Variants in ZNF385D observed in about 807,000 individuals in gnomAD.
ZNF385D encodes the protein zinc finger protein 385D.
A neutral mutation model predicts 35.8 loss-of-function variants in ZNF385D; 15 were observed. The ratio of observed to expected loss-of-function variants is 0.42; its 90% CI spans 0.28 to 0.64. The LOEUF is 0.64. Among genes scored for constraint, ZNF385D ranks in the 30% least tolerant of loss-of-function variants. ZNF385D has a pLI of 0.23. For synonymous variants in ZNF385D, 212 were observed against 186.8 expected, an observed-to-expected ratio of 1.13 and a Z score of -1.10; for missense variants, 474 against 494.6, an observed-to-expected ratio of 0.96 and a Z score of 0.39.
chr3:21,921,770 T>G (rs182881215), intron 3 of ZNF385D, among the ~76,000 whole-genome samples: 1 of 149,206 alleles, frequency 6.7e-6, no homozygotes, highest in East Asian at 2.0e-4. Flanking sequence ...GGAAACACAA[T>G]CTCCCAAGAT....
intron 3 of ZNF385D, among the ~76,000 whole-genome samples, chr3:21,895,912 T>C (rs945906118): frequency 7.9e-5 from 12 of 152,004 alleles, no homozygotes; most frequent in Admixed American, 2.0e-4. Context: ...TACATTAAAA[T>C]CAAAAATTTT....
chr3:21,762,751 C>G (rs1049004281), intron 3 of ZNF385D, among the ~76,000 whole-genome samples: 3 of 152,274 alleles, frequency 2.0e-5, no homozygotes, highest in Middle Eastern at 3.4e-3. Flanking sequence ...CTGTGGAGAG[C>G]TGCCTTGTCA....
intron 1 of ZNF385D, among the ~76,000 whole-genome samples, chr3:21,737,501 T>C (rs1439393360): frequency 2.6e-5 from 4 of 151,078 alleles, no homozygotes; most frequent in East Asian, 2.0e-4. Context: ...ACACATAAGA[T>C]AGATAGATAC....
intron 3 of ZNF385D, among the ~76,000 whole-genome samples, chr3:21,834,533 G>A (rs776973954): frequency 6.6e-6 from 1 of 152,088 alleles, no homozygotes; most frequent in Non-Finnish European, 1.5e-5. Flanking sequence ...TAGAGACATG[G>A]TTATCATTGA....
intron 2 of ZNF385D, among the ~76,000 whole-genome samples, chr3:21,584,649 C>A (rs2063760178): frequency 6.6e-6 from 1 of 152,066 alleles, no homozygotes; most frequent in Non-Finnish European, 1.5e-5. Flanking sequence ...CATATATAAA[C>A]CATGTTTTTC....
chr3:21,866,793 T>C (rs1697389260), intron 3 of ZNF385D, among the ~76,000 whole-genome samples: 1 of 152,186 alleles, frequency 6.6e-6, no homozygotes, highest in African/African-American at 2.4e-5. Context: ...TTTATCAATA[T>C]ATTCTTTAAA....
chr3:21,990,945 G>A (rs12485290), intron 3 of ZNF385D, among the ~76,000 whole-genome samples: 4,324 of 152,222 alleles, frequency 0.028, 106 homozygotes, highest in East Asian at 0.12. Context: ...CAACAAATGC[G>A]TGATCTAATG....
In ZNF385D at chr3:22,349,423, T is replaced by C. The variant is rs1286750210; in HGVS notation, c.106+23027A>G. Among the ~76,000 whole-genome samples the C allele has an allele frequency of 3.9e-5, 6 of 152,232 alleles. No homozygotes were observed. In the East Asian group the frequency reaches 1.2e-3, roughly 29 times the overall value. On this transcript the variant is annotated intron_variant, in intron 2 of 5. Coordinates refer to the ZNF385D transcript ENST00000494108. ...TGGAGGTAGTTGTTTTGAGTTCTAG[T>C]GGCAATGCCATTCTCTGAGATAATA...
At chr3:21,599,207 G>T (rs1448405558) in intron 2 of ZNF385D, among the ~76,000 whole-genome samples, 1 of 152,122 alleles carries the variant, frequency 6.6e-6, no homozygotes, top group Non-Finnish European at 1.5e-5. Context: ...GATCAATTTG[G>T]CTGAACTATT....
intron 4 of ZNF385D, among the ~76,000 whole-genome samples, chr3:21,454,408 A>G (rs148769846): frequency 5.6e-4 from 85 of 152,242 alleles, no homozygotes; most frequent in African/African-American, 2.0e-3. Context: ...CAAAGTTCCT[A>G]TGTGATCTTG....
In ZNF385D at chr3:22,260,813, A is replaced by G. The variant is rs192419157; in HGVS notation, c.107-91778T>C. On this transcript the variant is annotated intron_variant, in intron 2 of 5. Transcript: ENST00000494108. ...TATGATATTCCTGTAACTATTTATC[A>G]AACTCAAAAATCATAGCCAGATTTT... Among the ~76,000 whole-genome samples the G allele has an allele frequency of 9.9e-5, 15 of 152,152 alleles. No individual in the cohort carries two copies. The East Asian group carries it at 2.9e-3, about 30-fold the overall frequency.
chr3:21,675,546 A>G (rs1305881062), intron 1 of ZNF385D, among the ~76,000 whole-genome samples: 1 of 152,084 alleles, frequency 6.6e-6, no homozygotes, highest in Non-Finnish European at 1.5e-5. Context: ...GTAAGTTCTT[A>G]TATCTACATT....
chr3:21,486,374 A>G (rs1014110922), intron 4 of ZNF385D, among the ~76,000 whole-genome samples: 6 of 151,924 alleles, frequency 3.9e-5, no homozygotes, highest in Non-Finnish European at 7.4e-5. Context: ...CACACATTTC[A>G]TTCAGAGACT....
At chr3:21,833,615 A>G (rs1695140944) in intron 3 of ZNF385D, among the ~76,000 whole-genome samples, 1 of 152,120 alleles carries the variant, frequency 6.6e-6, no homozygotes, top group South Asian at 2.1e-4. Flanking sequence ...GAGAAAGTAA[A>G]TTTCTGTTGT....
At chr3:21,664,833 T>G in intron 2 of ZNF385D, 53 bp downstream of exon 2, 1 of 1,611,436 alleles carries the variant, frequency 6.2e-7, no homozygotes, top group Non-Finnish European at 8.5e-7. Flanking sequence ...GGCCTTTAAG[T>G]TAGTTTTCCA....
At chr3:21,848,696 A>G (rs929025090) in intron 3 of ZNF385D, among the ~76,000 whole-genome samples, 1 of 152,178 alleles carries the variant, frequency 6.6e-6, no homozygotes, top group African/African-American at 2.4e-5. Flanking sequence ...AAAGAAATAG[A>G]ATGCCTGAAT....
At chr3:21,869,169 T>C (rs1684511) in intron 3 of ZNF385D, among the ~76,000 whole-genome samples, 69,222 of 151,828 alleles carry the variant, frequency 0.46, 16,134 homozygotes, top group African/African-American at 0.53. Flanking sequence ...ATTAAGCCAA[T>C]AGAAAGAGAT....
chr3:21,566,820 C>T (rs2063164525), intron 2 of ZNF385D, among the ~76,000 whole-genome samples: 1 of 152,088 alleles, frequency 6.6e-6, no homozygotes, highest in South Asian at 2.1e-4. Context: ...TGGACAAGTT[C>T]CCTCTTACCC....
intron 3 of ZNF385D, among the ~76,000 whole-genome samples, chr3:22,049,297 A>AAAAATAAAACAAAATAAAATAAAAT (rs1699201021): frequency 2.1e-5 from 3 of 141,486 alleles, no homozygotes; most frequent in Non-Finnish European, 4.6e-5. Context: ...ACTCAATCTC[A>AAAAATAAAACAAAATAAAATAAAAT]AAAATAAAAT....
Sources: gnomAD v4.1 joint callset for allele counts (sites outside exome capture counted in the v4.1 genomes callset) on GRCh38, gnomAD v4.1.1 for gene constraint, MANE v1.5 for transcripts, NCBI Gene and HGNC (gene_info 2026-07-23, HGNC 2026-07-21) for gene names.